Variants in GRIK2 observed in about 807,000 individuals in gnomAD.
GRIK2 encodes the protein glutamate ionotropic receptor kainate type subunit 2, also known as glutamate receptor ionotropic, kainate 2.
GRIK2 carries 32 observed loss-of-function variants against 100.3 expected under a neutral mutation model. The observed-to-expected ratio is 0.32, with a 90% confidence interval of 0.24 to 0.43. GRIK2 has a LOEUF of 0.43. GRIK2 is among the 20% of genes least tolerant of loss of function. The probability of loss-of-function intolerance (pLI) is 1.00; values close to 1 mark genes in which losing one functional copy is unlikely to be tolerated. For synonymous variants in GRIK2, 417 were observed against 389.4 expected (o/e 1.07, Z -0.83); for missense variants, 843 against 1,114.9 (o/e 0.76, Z 3.47).
intron 11 of GRIK2, among the ~76,000 whole-genome samples, chr6:101,877,507 C>T (rs964523662): frequency 2.6e-5 from 4 of 151,718 alleles, no homozygotes; most frequent in Non-Finnish European, 4.4e-5. Context: ...ATTTGAGCAC[C>T]GATGAATTTT....
chr6:101,861,668 TAAAAC>T (rs1262073491), intron 11 of GRIK2, among the ~76,000 whole-genome samples: 4 of 152,252 alleles, frequency 2.6e-5, no homozygotes, highest in East Asian at 1.9e-4. Context: ...CTCTTAATAT[TAAAAC>T]AAACTCAAAA....
intron 16 of GRIK2, among the ~76,000 whole-genome samples, chr6:102,061,019 A>G (rs1273340250): frequency 1.3e-5 from 2 of 150,238 alleles, no homozygotes; most frequent in East Asian, 2.0e-4. Flanking sequence ...GTGTCTTTCA[A>G]TTTCCATGAA....
rs1772164049 is a variant in GRIK2, at chr6:102,069,340, A to AATAAT, written c.*830_*831insTAATA. The stretch of plus-strand genomic sequence containing the variant: ...ATAATAATAATAATAATAATAATAA[A>AATAAT]AGCAGTTGGTTCAGTGATTCTGAAT... On this transcript the variant is annotated 3_prime_UTR_variant, in exon 17 of 17. Transcript: ENST00000369134. 7.1e-6 allele frequency: 1 copy of AATAAT among 141,364 alleles called. No homozygotes were observed. Among genetic ancestry groups the AATAAT allele is most frequent in the African/African-American group, 2.6e-5 (1 of 38,672 alleles). The allele number at this position is 141,364 out of a possible 1,614,324, so 8.8% of individuals were successfully genotyped here.
At chr6:101,411,057 T>G (rs1775865008) in intron 2 of GRIK2, among the ~76,000 whole-genome samples, 1 of 152,202 alleles carries the variant, frequency 6.6e-6, no homozygotes, top group South Asian at 2.1e-4. Flanking sequence ...TTTTGAATTT[T>G]TGCCTCTAAT....
intron 14 of GRIK2, among the ~76,000 whole-genome samples, chr6:101,963,655 T>C (rs2128483437): frequency 6.6e-6 from 1 of 151,846 alleles, no homozygotes; most frequent in Non-Finnish European, 1.5e-5. Context: ...CCCGGCCACT[T>C]ATTTAGTTTA....
chr6:101,910,692 T>A (rs1348925793), intron 12 of GRIK2, among the ~76,000 whole-genome samples: 1 of 151,466 alleles, frequency 6.6e-6, no homozygotes, highest in Non-Finnish European at 1.5e-5. Context: ...ATAATAGATC[T>A]GCCTTTTAAA....
At chr6:101,588,989 A>G (rs1408624998) in intron 2 of GRIK2, among the ~76,000 whole-genome samples, 1 of 152,084 alleles carries the variant, frequency 6.6e-6, no homozygotes, top group African/African-American at 2.4e-5. Flanking sequence ...GATTAGGGAA[A>G]AACAAAGCTT....
chr6:102,064,362 C>CTTT, intron 16 of GRIK2, among the ~76,000 whole-genome samples: 1 of 145,068 alleles, frequency 6.9e-6, no homozygotes, highest in South Asian at 2.1e-4. Flanking sequence ...TTCCTTCCTT[C>CTTT]CTTCTTTCTT....
chr6:101,549,291 A>G (rs1776397903), intron 2 of GRIK2, among the ~76,000 whole-genome samples: 1 of 151,228 alleles, frequency 6.6e-6, no homozygotes. Context: ...AAAAAAAAAG[A>G]TTGTATGTAG....
At chr6:101,765,428 G>A (rs899715306) in intron 7 of GRIK2, among the ~76,000 whole-genome samples, 1 of 152,006 alleles carries the variant, frequency 6.6e-6, no homozygotes, top group Non-Finnish European at 1.5e-5. Flanking sequence ...ATGACATTAT[G>A]TATATGTTAA....
At chr6:102,027,064 T>C (rs1190394708) in intron 14 of GRIK2, among the ~76,000 whole-genome samples, 1 of 151,286 alleles carries the variant, frequency 6.6e-6, no homozygotes, top group Non-Finnish European at 1.5e-5. Context: ...CCAGAATCTC[T>C]TTTACCAAGG....
chr6:102,028,800 G>A (rs1298163258), intron 14 of GRIK2, among the ~76,000 whole-genome samples: 3 of 150,928 alleles, frequency 2.0e-5, no homozygotes, highest in African/African-American at 4.8e-5. Flanking sequence ...GCAAAATCAT[G>A]ATGCCATGAA....
chr6:101,765,116 A>G (rs535344749), intron 7 of GRIK2, among the ~76,000 whole-genome samples: 1 of 151,974 alleles, frequency 6.6e-6, no homozygotes, highest in Admixed American at 6.6e-5. Flanking sequence ...TGTCAACATC[A>G]CTTTCTTCTG....
At chr6:101,607,243 C>G (rs1779476559) in intron 2 of GRIK2, among the ~76,000 whole-genome samples, 1 of 151,954 alleles carries the variant, frequency 6.6e-6, no homozygotes, top group Admixed American at 6.6e-5. Flanking sequence ...TGCTGTTCCC[C>G]TGTGTGAAGC....
chr6:101,457,972 G>A (rs1474917459), intron 2 of GRIK2, among the ~76,000 whole-genome samples: 2 of 152,020 alleles, frequency 1.3e-5, no homozygotes, highest in Non-Finnish European at 2.9e-5. Context: ...GACTTGGAAA[G>A]TAAATTACTT....
chr6:101,894,829 T>C (rs1787338394), intron 12 of GRIK2, among the ~76,000 whole-genome samples: 1 of 151,704 alleles, frequency 6.6e-6, no homozygotes, highest in Non-Finnish European at 1.5e-5. Context: ...TGAGCTGTTC[T>C]GAAATTCATT....
intron 7 of GRIK2, among the ~76,000 whole-genome samples, chr6:101,720,077 T>C (rs1016366545): frequency 2.6e-5 from 4 of 151,262 alleles, no homozygotes; most frequent in East Asian, 2.0e-4. Flanking sequence ...TTCATTGTAG[T>C]TCAGGATGAT....
chr6:102,020,791 A>G (rs1184670149), intron 14 of GRIK2, among the ~76,000 whole-genome samples: 1 of 151,824 alleles, frequency 6.6e-6, no homozygotes, highest in Non-Finnish European at 1.5e-5. Context: ...ATACCGTGAC[A>G]TTTTTCAAAA....
intron 7 of GRIK2, among the ~76,000 whole-genome samples, chr6:101,768,823 T>A (rs181322099): frequency 6.6e-6 from 1 of 152,110 alleles, no homozygotes; most frequent in Non-Finnish European, 1.5e-5. Flanking sequence ...GTTTATATCA[T>A]GAGATTGTTA....
Sources: gnomAD v4.1 joint callset for allele counts (sites outside exome capture counted in the v4.1 genomes callset) on GRCh38, gnomAD v4.1.1 for gene constraint, MANE v1.5 for transcripts, NCBI Gene and HGNC (gene_info 2026-07-23, HGNC 2026-07-21) for gene names.